Variants in TNFAIP8 observed in about 807,000 individuals in gnomAD.
TNFAIP8 encodes tumor necrosis factor alpha-induced protein 8.
In TNFAIP8, 7 loss-of-function variants were observed where a neutral mutation model predicts 13.3. That is an observed-to-expected ratio of 0.52 (90% CI 0.30 to 0.99). The LOEUF (loss-of-function observed/expected upper bound fraction) is 0.99. Among genes scored for constraint, TNFAIP8 ranks in the 50% least tolerant of loss-of-function variants. The pLI, the probability that TNFAIP8 is intolerant of heterozygous loss-of-function variation, is 0.07. For missense variants in TNFAIP8, 258 were observed against 236.9 expected, an observed-to-expected ratio of 1.09 and a Z score of -0.58; for synonymous variants, 94 against 87.6, an observed-to-expected ratio of 1.07 and a Z score of -0.41.
chr5:119,272,712 T>G (rs566507263), intron 1 of TNFAIP8, among the ~76,000 whole-genome samples: 66 of 152,322 alleles, frequency 4.3e-4, no homozygotes, highest in African/African-American at 1.4e-3. Flanking sequence ...CAGTTGTTTT[T>G]TCTCTGGAAG....
upstream of TNFAIP8, chr5:119,355,343 G>A (rs1751343741): frequency 1.4e-6 from 1 of 702,230 alleles, no homozygotes; most frequent in East Asian, 2.7e-5. Context: ...GTGCTCGCCC[G>A]GGGCTATACT....
Position 119,392,951 on chromosome 5 carries a change from G to T in TNFAIP8, c.167G>T (p.Arg56Ile). 1 of 1,610,640 alleles carries T rather than the reference G, an allele frequency of 6.2e-7. No homozygotes were observed. The highest frequency in any genetic ancestry group is 8.5e-7 in the Non-Finnish European group (1 of 1,178,464). ...AGTGAGGTGCTGGATGAGCTCTACA[G>T]AGTGACCAGGGAGTACACCCAAAAC... is the stretch of plus-strand genomic sequence containing the variant. The part of the protein sequence containing the change: ...TSSEVLDELY[R>I]VTREYTQNKK... The change falls in exon 2 of 2, where the codon AGA becomes ATA. Residue 56 changes from arginine (R) to isoleucine (I), a missense_variant. Coordinates refer to ENST00000504771, the MANE Select transcript of TNFAIP8 (RefSeq NM_014350.4).
chr5:119,359,671 C>T (rs975474519), intron 1 of TNFAIP8, among the ~76,000 whole-genome samples: 1 of 152,156 alleles, frequency 6.6e-6, no homozygotes, highest in Non-Finnish European at 1.5e-5. Context: ...TTTAACCTCA[C>T]ATGGTGTGGC....
chr5:119,299,012 A>T (rs1227024289), intron 1 of TNFAIP8, among the ~76,000 whole-genome samples: 2 of 151,820 alleles, frequency 1.3e-5, no homozygotes, highest in Non-Finnish European at 2.9e-5. Flanking sequence ...ATTCTTCTAA[A>T]TTTTTTTCAA....
At chr5:119,273,659 C>T (rs1205620650) in intron 1 of TNFAIP8, among the ~76,000 whole-genome samples, 4 of 152,178 alleles carry the variant, frequency 2.6e-5, no homozygotes, top group Non-Finnish European at 4.4e-5. Flanking sequence ...TTTCACAACT[C>T]CCATGTTTAA....
At chr5:119,332,006 T>G (rs1266228737) in intron 1 of TNFAIP8, among the ~76,000 whole-genome samples, 1 of 152,208 alleles carries the variant, frequency 6.6e-6, no homozygotes, top group Non-Finnish European at 1.5e-5. Flanking sequence ...TTTCATGGCA[T>G]GAAGGGCCAG....
chr5:119,391,759 CAAAA>C (rs1189646198), intron 1 of TNFAIP8, among the ~76,000 whole-genome samples: 27 of 79,510 alleles, frequency 3.4e-4, no homozygotes, highest in Non-Finnish European at 6.2e-4. Context: ...AACTCCGTCT[CAAAA>C]AAAAAAAAAA....
chr5:119,321,335 T>G (rs1001293851), intron 1 of TNFAIP8, among the ~76,000 whole-genome samples: 19 of 152,224 alleles, frequency 1.2e-4, no homozygotes, highest in African/African-American at 4.6e-4. Flanking sequence ...TCATATTTTG[T>G]TACTGGGTAT....
Position 119,398,432 on chromosome 5 carries a change from AC to A in TNFAIP8, c.*5052del, listed in dbSNP as rs1247840828. 6.6e-6 allele frequency: 1 copy of A among 152,170 alleles called. No homozygotes were observed. The highest frequency in any genetic ancestry group is 1.5e-5 in the Non-Finnish European group (1 of 68,048). The allele number at this position is 152,170 out of a possible 1,614,324, so 9.4% of individuals were successfully genotyped here. On this transcript the variant is annotated 3_prime_UTR_variant, in exon 2 of 2. Transcript: ENST00000504771. ...GCGGTGGCTCATGCCTGTAATCCCAACACTTCGGGAGACTGAGGTGGGCGGA... is the reference window on the plus strand; with the variant it reads ...GCGGTGGCTCATGCCTGTAATCCCAAACTTCGGGAGACTGAGGTGGGCGGA...
rs138101010 is a variant in TNFAIP8, at chr5:119,383,813, G to A, written c.32-9003G>A. Reference sequence around the variant, plus strand: ...TTTTGAACAATGTAAGTATATTGTCGTTTTAGGTTATATTTTAAAATGCTT... The same window carrying A: ...TTTTGAACAATGTAAGTATATTGTCATTTTAGGTTATATTTTAAAATGCTT... On this transcript the variant is annotated intron_variant, in intron 1 of 1. Transcript: ENST00000504771. 3.7e-3 allele frequency among the ~76,000 whole-genome samples: 570 copies of A among 152,242 alleles called. 3 individuals carry two copies. The highest frequency in any genetic ancestry group is 0.013 in the African/African-American group (553 of 41,538).
intron 1 of TNFAIP8, among the ~76,000 whole-genome samples, chr5:119,284,321 G>C (rs948805531): frequency 6.6e-6 from 1 of 151,954 alleles, no homozygotes; most frequent in African/African-American, 2.4e-5. Flanking sequence ...GCAGGATGGA[G>C]ATCTTGAATA....
At chr5:119,327,296 G>A (rs1347159701) in intron 1 of TNFAIP8, among the ~76,000 whole-genome samples, 2 of 152,182 alleles carry the variant, frequency 1.3e-5, no homozygotes, top group African/African-American at 4.8e-5. Flanking sequence ...TCAGGGTACA[G>A]ATGGGAAGAG....
intron 1 of TNFAIP8, among the ~76,000 whole-genome samples, chr5:119,370,769 G>T (rs1449998932): frequency 2.6e-5 from 4 of 152,210 alleles, no homozygotes; most frequent in African/African-American, 9.6e-5. Flanking sequence ...CCATCAGAAT[G>T]CAGTGAGCAG....
chr5:119,382,028 G>A lies in TNFAIP8; in HGVS notation c.32-10788G>A, dbSNP rs192177478. On this transcript the variant is annotated intron_variant, in intron 1 of 1. Transcript: ENST00000504771. ...TTTCAATTTTTTCTAAAATTCATAG[G>A]AGACACATACATCCTTGGGTTTCTG... is the stretch of plus-strand genomic sequence containing the variant. Among the ~76,000 whole-genome samples the A allele has an allele frequency of 5.1e-3, 780 of 152,232 alleles. 2 individuals carry two copies. Among genetic ancestry groups the A allele is most frequent in the Non-Finnish European group, 8.8e-3 (600 of 68,020 alleles).
At chr5:119,379,430 A>G (rs1752402828) in intron 1 of TNFAIP8, among the ~76,000 whole-genome samples, 1 of 152,216 alleles carries the variant, frequency 6.6e-6, no homozygotes, top group Non-Finnish European at 1.5e-5. Flanking sequence ...TGGATTTGGA[A>G]AAGCTTTTTG....
At chr5:119,310,597 G>A (rs1485536263) in intron 1 of TNFAIP8, among the ~76,000 whole-genome samples, 1 of 152,210 alleles carries the variant, frequency 6.6e-6, no homozygotes, top group African/African-American at 2.4e-5. Flanking sequence ...CACTTTGGGA[G>A]GCCGAGGCAG....
intron 1 of TNFAIP8, among the ~76,000 whole-genome samples, chr5:119,323,519 A>G (rs1243215975): frequency 6.6e-6 from 1 of 152,192 alleles, no homozygotes; most frequent in Non-Finnish European, 1.5e-5. Flanking sequence ...TTTTAATTGT[A>G]TGTCCTCACA....
chr5:119,322,765 C>G (rs1201374462), intron 1 of TNFAIP8, among the ~76,000 whole-genome samples: 1 of 152,222 alleles, frequency 6.6e-6, no homozygotes, highest in Non-Finnish European at 1.5e-5. Flanking sequence ...ATTCGACTCT[C>G]TCCCTGGTGA....
chr5:119,283,800 G>C (rs769571856), intron 1 of TNFAIP8, among the ~76,000 whole-genome samples: 2 of 152,144 alleles, frequency 1.3e-5, no homozygotes, highest in African/African-American at 2.4e-5. Context: ...GGTCACAATT[G>C]AAGCAGTACT....
Sources: gnomAD v4.1 joint callset for allele counts (sites outside exome capture counted in the v4.1 genomes callset) on GRCh38, gnomAD v4.1.1 for gene constraint, MANE v1.5 for transcripts, NCBI Gene and HGNC (gene_info 2026-07-23, HGNC 2026-07-21) for gene names.